The following CCDC149 variants were observed in gnomAD, a reference collection of about 807,000 sequenced individuals.
The protein encoded by CCDC149 is coiled-coil domain-containing protein 149.
A neutral mutation model predicts 59.9 loss-of-function variants in CCDC149; 45 were observed. The ratio of observed to expected loss-of-function variants is 0.75; its 90% confidence interval spans 0.59 to 0.96. The LOEUF is 0.96. Ranked by LOEUF, CCDC149 falls within the 40% of genes least tolerant of loss-of-function variation. The probability of loss-of-function intolerance (pLI) is 0.00; values close to 1 mark genes in which losing one functional copy is unlikely to be tolerated. For missense variants in CCDC149, 584 were observed against 664.7 expected, an observed-to-expected ratio of 0.88 and a Z score of 1.33; for synonymous variants, 245 against 260.6, an observed-to-expected ratio of 0.94 and a Z score of 0.58.
chr4:24,911,947 G>C (rs1233812841), intron 1 of CCDC149, among the ~76,000 whole-genome samples: 1 of 152,214 alleles, frequency 6.6e-6, no homozygotes, highest in East Asian at 1.9e-4. Flanking sequence ...TCTCAGAAGG[G>C]AGAAATTCCC....
intron 1 of CCDC149, among the ~76,000 whole-genome samples, chr4:24,895,583 C>T (rs528439812): frequency 6.6e-6 from 1 of 152,114 alleles, no homozygotes; most frequent in African/African-American, 2.4e-5. Flanking sequence ...CTAGATAACA[C>T]CTTCAGTCAT....
At chr4:24,886,165 C>T (rs1720167247) in intron 1 of CCDC149, among the ~76,000 whole-genome samples, 1 of 152,192 alleles carries the variant, frequency 6.6e-6, no homozygotes, top group African/African-American at 2.4e-5. Context: ...GCAATAGTAA[C>T]TGACATTCTA....
At chr4:24,846,041 A>T (rs1225093038) in intron 4 of CCDC149, among the ~76,000 whole-genome samples, 1 of 152,236 alleles carries the variant, frequency 6.6e-6, no homozygotes, top group African/African-American at 2.4e-5. Context: ...TTATGTCCAC[A>T]GTCTATGGGA....
rs567037045 is a variant in CCDC149 at position 24,812,355 on chromosome 4, T to A, written c.1193-3536A>T. ...GCCATCTGTTTCTCTTCATTCATTC[T>A]CACTCATTAGCTATCACATGACCTT... On this transcript the variant is annotated intron_variant, in intron 12 of 12. Coordinates refer to ENST00000635206, the MANE Select transcript of CCDC149 (RefSeq NM_001330643.2). Among the ~76,000 whole-genome samples, 100 of 152,330 alleles carry A rather than the reference T, an allele frequency of 6.6e-4. 1 individual carries two copies. Among genetic ancestry groups the A allele is most frequent in the African/African-American group, 2.2e-3 (93 of 41,572 alleles).
chr4:24,825,772 CA>C (rs879693016), intron 9 of CCDC149, among the ~76,000 whole-genome samples: 127 of 120,480 alleles, frequency 1.1e-3, no homozygotes, highest in South Asian at 3.2e-3. Flanking sequence ...GACTCCGTCT[CA>C]AAAAAAAAAA....
At chr4:24,977,832 C>T (rs1005832395) in intron 1 of CCDC149, among the ~76,000 whole-genome samples, 6 of 152,140 alleles carry the variant, frequency 3.9e-5, no homozygotes, top group Non-Finnish European at 8.8e-5. Context: ...ACAAGGTATG[C>T]TATAAATCTA....
chr4:24,846,284 T>C (rs1271825765), intron 4 of CCDC149, among the ~76,000 whole-genome samples: 1 of 151,994 alleles, frequency 6.6e-6, no homozygotes, highest in African/African-American at 2.4e-5. Context: ...GGCAGGGAGG[T>C]GGGGTGCGGT....
chr4:24,880,194 C>T (rs918922226), intron 1 of CCDC149, among the ~76,000 whole-genome samples: 4 of 152,192 alleles, frequency 2.6e-5, no homozygotes, highest in South Asian at 2.1e-4. Flanking sequence ...TGTTTAGATA[C>T]GTTTAGATAC....
chr4:24,813,484 T>A (rs1446885271), intron 12 of CCDC149, among the ~76,000 whole-genome samples: 1 of 83,042 alleles, frequency 1.2e-5, no homozygotes, highest in African/African-American at 6.4e-5. Context: ...AGGTTCAGCT[T>A]GGGGAATATA....
intron 12 of CCDC149, among the ~76,000 whole-genome samples, chr4:24,816,373 T>C (rs1395735588): frequency 2.0e-5 from 3 of 152,170 alleles, no homozygotes; most frequent in African/African-American, 7.2e-5. Flanking sequence ...ATTACAAGTA[T>C]GAGCCACCCT....
At chr4:24,901,489 G>C (rs925540954) in intron 1 of CCDC149, among the ~76,000 whole-genome samples, 1 of 152,124 alleles carries the variant, frequency 6.6e-6, no homozygotes, top group Non-Finnish European at 1.5e-5. Flanking sequence ...TGTAGAAATT[G>C]TCAATTTTAG....
chr4:24,932,288 C>A (rs1034518339), intron 1 of CCDC149, among the ~76,000 whole-genome samples: 1 of 152,118 alleles, frequency 6.6e-6, no homozygotes, highest in African/African-American at 2.4e-5. Context: ...CAGATCTGAT[C>A]TTTTAGTAAT....
intron 1 of CCDC149, among the ~76,000 whole-genome samples, chr4:24,920,282 C>A (rs1049772292): frequency 2.0e-5 from 3 of 152,232 alleles, no homozygotes; most frequent in African/African-American, 7.2e-5. Context: ...GGCTCAACTA[C>A]ACTGGACATC....
At chr4:24,925,591 G>A (rs1201925884) in intron 1 of CCDC149, among the ~76,000 whole-genome samples, 1 of 152,144 alleles carries the variant, frequency 6.6e-6, no homozygotes, top group Non-Finnish European at 1.5e-5. Flanking sequence ...TTTGAGTCAG[G>A]TCCTTCTCTA....
chr4:24,870,428 A>G (rs981217625), intron 3 of CCDC149, among the ~76,000 whole-genome samples: 4 of 152,186 alleles, frequency 2.6e-5, no homozygotes, highest in Non-Finnish European at 5.9e-5. Context: ...AGAATTTGTC[A>G]CTTGCACCCT....
intron 9 of CCDC149, among the ~76,000 whole-genome samples, chr4:24,824,140 G>C (rs779559467): frequency 1.3e-5 from 2 of 152,208 alleles, no homozygotes; most frequent in East Asian, 1.9e-4. Flanking sequence ...CGTCTGAGCA[G>C]CATTCGAAGG....
At chr4:24,884,375 TATA>T (rs1224738519) in intron 1 of CCDC149, among the ~76,000 whole-genome samples, 1 of 152,194 alleles carries the variant, frequency 6.6e-6, no homozygotes, top group African/African-American at 2.4e-5. Flanking sequence ...TGCAGCGGAC[TATA>T]CCATGTAGGT....
At chr4:24,950,122 A>G (rs1375154205) in intron 1 of CCDC149, among the ~76,000 whole-genome samples, 2 of 152,246 alleles carry the variant, frequency 1.3e-5, no homozygotes, top group African/African-American at 4.8e-5. Context: ...ACTGGTAAGG[A>G]CAGCCTTGAC....
chr4:24,815,663 T>C lies in CCDC149; in HGVS notation c.1192+4196A>G, dbSNP rs562556549. Among the ~76,000 whole-genome samples, 12 of 152,340 alleles carry C rather than the reference T, an allele frequency of 7.9e-5. No individual in the cohort carries two copies. In the South Asian group the frequency reaches 2.5e-3, roughly 32 times the overall value. ...TACTGTAGGTCAGGTTAATCTTCTC[T>C]ACCTTAATTTACACCTCAGTGAGGG... is the stretch of plus-strand genomic sequence containing the variant. On this transcript the variant is annotated intron_variant, in intron 12 of 12. Coordinates refer to ENST00000635206, the MANE Select transcript of CCDC149 (RefSeq NM_001330643.2).
Sources: allele counts gnomAD v4.1 joint callset (sites outside exome capture counted in the v4.1 genomes callset), GRCh38; gene constraint gnomAD v4.1.1; transcripts MANE v1.5; gene names NCBI Gene and HGNC (gene_info 2026-07-23, HGNC 2026-07-21).